The following HYDIN variants were observed in gnomAD, a reference collection of about 807,000 sequenced individuals.
HYDIN encodes the protein axonemal central pair apparatus protein HYDIN.
In HYDIN, 132 loss-of-function variants were observed where a neutral mutation model predicts 403.9. The observed-to-expected ratio is 0.33, with a 90% CI of 0.28 to 0.38. HYDIN has a LOEUF of 0.38. Ranked by LOEUF, HYDIN falls within the 10% of genes least tolerant of loss-of-function variation. The pLI is 1.00. For synonymous variants in HYDIN, 1,202 were observed against 1,891.7 expected, an observed-to-expected ratio of 0.64 and a Z score of 9.46; for missense variants, 2,827 against 5,009.5, an observed-to-expected ratio of 0.56 and a Z score of 13.15.
At chr16:71,066,161 G>T (rs2082257672) in intron 15 of HYDIN, among the ~76,000 whole-genome samples, 1 of 151,764 alleles carries the variant, frequency 6.6e-6, no homozygotes, top group Non-Finnish European at 1.5e-5. Flanking sequence ...GTAGGGAAAG[G>T]GGCTAGAAAG....
chr16:70,971,671 T>C (rs1349283219), intron 35 of HYDIN, among the ~76,000 whole-genome samples: 1 of 151,750 alleles, frequency 6.6e-6, no homozygotes, highest in African/African-American at 2.4e-5. Context: ...ATGGAATGTA[T>C]ACAGACATAC....
chr16:70,849,344 T>G (rs1267072006), intron 75 of HYDIN, among the ~76,000 whole-genome samples: 5 of 152,054 alleles, frequency 3.3e-5, no homozygotes, highest in Non-Finnish European at 5.9e-5. Flanking sequence ...TTTTTTCCAG[T>G]GGTCTCATTG....
intron 38 of HYDIN, among the ~76,000 whole-genome samples, chr16:70,961,634 C>T (rs1446808773): frequency 6.6e-6 from 1 of 152,124 alleles, no homozygotes; most frequent in Non-Finnish European, 1.5e-5. Context: ...GGGAGAATGT[C>T]CCCCATCCCC....
chr16:71,227,721 A>G (rs764555021), intron 1 of HYDIN, among the ~76,000 whole-genome samples: 6 of 152,232 alleles, frequency 3.9e-5, no homozygotes, highest in Non-Finnish European at 8.8e-5. Flanking sequence ...ATATCGTGAA[A>G]ATGGCCATAC....
At chr16:70,850,254 C>CT (rs1491440836) in intron 74 of HYDIN, among the ~76,000 whole-genome samples, 194 bp downstream of exon 74, 5 of 137,872 alleles carry the variant, frequency 3.6e-5, no homozygotes, top group African/African-American at 1.7e-4. Context: ...CCACCCCCCC[C>CT]TGAAAATAAA....
intron 1 of HYDIN, among the ~76,000 whole-genome samples, chr16:71,220,191 T>A (rs903211123): frequency 2.0e-5 from 3 of 152,224 alleles, no homozygotes; most frequent in Admixed American, 6.5e-5. Context: ...TAACAGGCTA[T>A]GAGTTTCTTT....
At chr16:70,909,116 G>C (rs2076618370) in intron 47 of HYDIN, among the ~76,000 whole-genome samples, 1 of 150,978 alleles carries the variant, frequency 6.6e-6, no homozygotes, top group African/African-American at 2.4e-5. Flanking sequence ...CTTAGCTCCT[G>C]GCAGAACCCA....
At chr16:71,221,746 T>C (rs144515841) in intron 1 of HYDIN, among the ~76,000 whole-genome samples, 2 of 152,306 alleles carry the variant, frequency 1.3e-5, no homozygotes, top group East Asian at 1.9e-4. Context: ...AAAAAGCATA[T>C]ACTTTAAGAC....
At chr16:70,817,622 T>C (rs1275825405) in intron 84 of HYDIN, 1 of 152,294 alleles carries the variant, frequency 6.6e-6, no homozygotes, top group Admixed American at 6.5e-5. Flanking sequence ...AGCCATGCAC[T>C]CCTAACCACT....
At chr16:70,860,399 G>A (rs372798019) in intron 70 of HYDIN, among the ~76,000 whole-genome samples, 193 bp from the exon 71 acceptor site, 52 of 143,888 alleles carry the variant, frequency 3.6e-4, no homozygotes, top group African/African-American at 5.2e-4. Flanking sequence ...CTGGACTTTG[G>A]AATAACAATG....
At position 71,230,611 on chromosome 16, in the gene HYDIN, G is replaced by C. The variant is rs760595792; in HGVS notation, c.-73C>G. On this transcript the variant is annotated 5_prime_UTR_variant, in exon 1 of 86. Transcript: ENST00000393567. ...TTATTCTACCTCCATTCCCCGCCAA[G>C]ACCCCGCGTCCAACTCACAGACCCC... 1.6e-4 allele frequency: 252 copies of C among 1,535,880 alleles called. No homozygotes were observed. The highest frequency in any genetic ancestry group is 2.2e-4 in the Non-Finnish European group (247 of 1,146,852).
rs1567629971 is a variant in HYDIN, at chr16:70,806,124, G to A, written c.*1456C>T. Among the ~76,000 whole-genome samples the A allele has an allele frequency of 6.6e-6, 1 of 152,184 alleles. No individual in the cohort carries two copies. Among genetic ancestry groups the A allele is most frequent in the African/African-American group, 2.4e-5 (1 of 41,430 alleles). The stretch of plus-strand genomic sequence containing the variant: ...ATAATGGCCCCAAAGCACATGGGTA[G>A]TGATGCTGGCATATTATTATAATTA... On this transcript the variant is annotated 3_prime_UTR_variant, in exon 86 of 86. Transcript: ENST00000393567.
At chr16:70,981,318 C>A (rs2079038922) in intron 29 of HYDIN, 73 bp downstream of exon 29, 6 of 1,483,698 alleles carry the variant, frequency 4.0e-6, no homozygotes, top group Non-Finnish European at 4.5e-6. Flanking sequence ...AAGTAGCCAG[C>A]AATCTTCCAA....
intron 58 of HYDIN, among the ~76,000 whole-genome samples, chr16:70,887,884 T>C (rs1036886271): frequency 1.8e-4 from 28 of 152,022 alleles, no homozygotes; most frequent in Non-Finnish European, 1.6e-4. Flanking sequence ...AGGGTTTCAC[T>C]GTGTTATCCA....
chr16:70,866,402 G>C, intron 66 of HYDIN, 73 bp from the exon 67 acceptor site: 1 of 945,874 alleles, frequency 1.1e-6, no homozygotes, highest in Admixed American at 2.5e-5. Context: ...GAATAGAATA[G>C]AGAGACCAGA....
At chr16:71,029,192 C>G (rs2080820356) in intron 19 of HYDIN, among the ~76,000 whole-genome samples, 1 of 151,624 alleles carries the variant, frequency 6.6e-6, no homozygotes, top group African/African-American at 2.4e-5. Context: ...GTCTCTGTAA[C>G]AGCTACTCAA....
intron 6 of HYDIN, among the ~76,000 whole-genome samples, chr16:71,161,607 C>G: frequency 6.6e-6 from 1 of 152,230 alleles, no homozygotes; most frequent in Non-Finnish European, 1.5e-5. Flanking sequence ...CCTCTCACAG[C>G]TCACCACGCT....
chr16:70,831,051 A>C (rs1567670160), intron 80 of HYDIN, among the ~76,000 whole-genome samples: 1 of 150,360 alleles, frequency 6.7e-6, no homozygotes, highest in Non-Finnish European at 1.5e-5. Flanking sequence ...CTCCTGCTTC[A>C]GCCTCCCAAA....
chr16:71,058,161 T>C (rs1597667070), intron 18 of HYDIN, among the ~76,000 whole-genome samples: 8 of 35,000 alleles, frequency 2.3e-4, no homozygotes. Flanking sequence ...TATTGCGGCA[T>C]TATTCACAAT....
Sources: gnomAD v4.1 joint callset for allele counts (sites outside exome capture counted in the v4.1 genomes callset) on GRCh38, gnomAD v4.1.1 for gene constraint, MANE v1.5 for transcripts, NCBI Gene and HGNC (gene_info 2026-07-23, HGNC 2026-07-21) for gene names.